Variants in NELL2 observed in about 807,000 individuals in gnomAD.
The protein encoded by NELL2 is protein kinase C-binding protein NELL2.
Under a neutral mutation model 109.6 loss-of-function variants are expected in NELL2, and 41 were observed. That is an observed-to-expected ratio of 0.37 (90% CI 0.29 to 0.49). NELL2 has a LOEUF of 0.49. Among genes scored for constraint, NELL2 ranks in the 20% least tolerant of loss-of-function variants. NELL2 has a pLI of 0.98. For missense variants in NELL2, 900 were observed against 1,008.3 expected (o/e 0.89, Z 1.45); for synonymous variants, 355 against 344.7 (o/e 1.03, Z -0.33).
At chr12:44,681,380 C>G (rs1323851695) in intron 12 of NELL2, among the ~76,000 whole-genome samples, 4 of 147,254 alleles carry the variant, frequency 2.7e-5, no homozygotes, top group Non-Finnish European at 6.0e-5. Context: ...TTGGCATAAC[C>G]CTTTTTTATT....
intron 13 of NELL2, among the ~76,000 whole-genome samples, chr12:44,635,362 C>T (rs1187167987): frequency 2.6e-5 from 4 of 152,116 alleles, no homozygotes; most frequent in Non-Finnish European, 5.9e-5. Flanking sequence ...TTGCCCATGC[C>T]TATGTCCTGA....
At chr12:44,673,650 A>G (rs75168514) in intron 12 of NELL2, among the ~76,000 whole-genome samples, 2,333 of 152,328 alleles carry the variant, frequency 0.015, 51 homozygotes, top group African/African-American at 0.053. Context: ...AAAATTTATT[A>G]CAGAGTTAAG....
chr12:44,526,485 A>G (rs1941778619), intron 16 of NELL2, among the ~76,000 whole-genome samples: 1 of 152,208 alleles, frequency 6.6e-6, no homozygotes, highest in South Asian at 2.1e-4. Flanking sequence ...GTAGGCCCAG[A>G]TGGGAACTGA....
chr12:44,760,814 A>T (rs1382653000), intron 9 of NELL2, among the ~76,000 whole-genome samples: 1 of 152,198 alleles, frequency 6.6e-6, no homozygotes, highest in Non-Finnish European at 1.5e-5. Context: ...TAAATATTTG[A>T]TGAATAAAAA....
At chr12:44,694,520 A>AAC (rs60024794) in intron 12 of NELL2, among the ~76,000 whole-genome samples, 5,565 of 144,346 alleles carry the variant, frequency 0.039, 249 homozygotes, top group African/African-American at 0.11. Flanking sequence ...CACACATACA[A>AAC]ACACACACAC....
intron 15 of NELL2, among the ~76,000 whole-genome samples, chr12:44,593,218 T>C (rs1592172623): frequency 6.6e-6 from 1 of 152,170 alleles, no homozygotes; most frequent in African/African-American, 2.4e-5. Flanking sequence ...ATAACTCTTT[T>C]TGAAGAATTG....
At chr12:44,593,806 G>A (rs771745839) in intron 15 of NELL2, among the ~76,000 whole-genome samples, 2 of 152,120 alleles carry the variant, frequency 1.3e-5, no homozygotes, top group Non-Finnish European at 2.9e-5. Context: ...AGGTAGCATG[G>A]TGTCTCCAGC....
chr12:44,786,767 A>G (rs1320825107), intron 3 of NELL2, among the ~76,000 whole-genome samples: 1 of 152,216 alleles, frequency 6.6e-6, no homozygotes, highest in Non-Finnish European at 1.5e-5. Context: ...CCAGCAAACT[A>G]ACACAGGAAG....
chr12:44,652,456 C>A (rs73285877), intron 13 of NELL2, among the ~76,000 whole-genome samples: 5,248 of 152,050 alleles, frequency 0.035, 301 homozygotes, highest in African/African-American at 0.12. Flanking sequence ...CAGCAAAAAC[C>A]AAATATGGAA....
chr12:44,617,691 C>CAAAAAAAAAAAAAAAAAAAA (rs975070930), intron 13 of NELL2, among the ~76,000 whole-genome samples: 19 of 22,348 alleles, frequency 8.5e-4, no homozygotes, highest in East Asian at 1.4e-3. Context: ...GACTCCGTCT[C>CAAAAAAAAAAAAAAAAAAAA]AAAAAAAAAA....
upstream of NELL2, among the ~76,000 whole-genome samples, chr12:44,915,140 C>A (rs781733758): frequency 1.3e-5 from 2 of 152,108 alleles, no homozygotes; most frequent in African/African-American, 4.8e-5. Flanking sequence ...CGTGAGCCAC[C>A]GCGCCTGGCC....
rs762653030 is a variant in NELL2, at chr12:44,777,277, TG to T, written c.643del (p.Gln215ArgfsTer34). 1 of 1,613,886 alleles carries T rather than the reference TG, an allele frequency of 6.2e-7. No individual in the cohort carries two copies. The highest frequency in any genetic ancestry group is 8.5e-7 in the Non-Finnish European group (1 of 1,179,788). On this transcript the variant is annotated frameshift_variant, in exon 6 of 20. Coordinates refer to ENST00000429094, the MANE Select transcript of NELL2 (RefSeq NM_001145108.2). LOFTEE classifies it high-confidence loss of function. The stretch of plus-strand genomic sequence containing the variant: ...ATCTGGGCACTGAGCAATAAATCCC[TG>T]GGGCATGACAAGTAATTGGACATCT... The part of the protein sequence containing the change: ...MQDVQLLVMP[Q>X]GFIAQCPDLN...
chr12:44,901,078 GAA>G (rs1448697014), intron 1 of NELL2, among the ~76,000 whole-genome samples: 1 of 151,964 alleles, frequency 6.6e-6, no homozygotes. Flanking sequence ...ATAGAGATAT[GAA>G]AAAGACTTCA....
intron 12 of NELL2, among the ~76,000 whole-genome samples, chr12:44,698,189 G>C (rs1423396551): frequency 6.6e-6 from 1 of 152,124 alleles, no homozygotes. Flanking sequence ...AATCTGCAAC[G>C]TCCCTATTTC....
intron 9 of NELL2, among the ~76,000 whole-genome samples, chr12:44,733,338 A>C (rs1939468233): frequency 6.6e-6 from 1 of 152,042 alleles, no homozygotes; most frequent in African/African-American, 2.4e-5. Flanking sequence ...AAATAAAGAA[A>C]ATGTAGTATA....
chr12:44,591,623 G>A lies in NELL2; in HGVS notation c.1663+15546C>T, dbSNP rs187114457. On this transcript the variant is annotated intron_variant, in intron 15 of 19. Coordinates refer to ENST00000429094, the MANE Select transcript of NELL2 (RefSeq NM_001145108.2). ...TGGTTACTAGAAGACAGAAAGGAGC[G>A]GGGATAGAAAGAGGTTGTTTAAAGG... Among the ~76,000 whole-genome samples, 321 of 152,218 alleles carry A rather than the reference G, an allele frequency of 2.1e-3. 1 individual carries two copies. The highest frequency in any genetic ancestry group is 7.3e-3 in the African/African-American group (302 of 41,530).
chr12:44,620,935 C>T (rs1946034208), intron 13 of NELL2, among the ~76,000 whole-genome samples: 1 of 152,140 alleles, frequency 6.6e-6, no homozygotes, highest in Non-Finnish European at 1.5e-5. Flanking sequence ...CCCCACCAAT[C>T]CTCCCCATTC....
intron 3 of NELL2, among the ~76,000 whole-genome samples, chr12:44,801,946 T>TTTCAA (rs71093827): frequency 1.3e-5 from 2 of 151,622 alleles, no homozygotes; most frequent in Non-Finnish European, 2.9e-5. Context: ...GAACTTCTCA[T>TTTCAA]CACTTTGTCA....
chr12:44,708,689 GA>G (rs1313429118), intron 11 of NELL2, among the ~76,000 whole-genome samples: 1 of 152,124 alleles, frequency 6.6e-6, no homozygotes, highest in Non-Finnish European at 1.5e-5. Context: ...AATATTTCAA[GA>G]AGGGCCAATC....
Sources: allele counts gnomAD v4.1 joint callset (sites outside exome capture counted in the v4.1 genomes callset), GRCh38; gene constraint gnomAD v4.1.1; transcripts MANE v1.5; gene names NCBI Gene and HGNC (gene_info 2026-07-23, HGNC 2026-07-21).